The following ZNF608 variants were observed in gnomAD, a reference collection of about 807,000 sequenced individuals.
The protein encoded by ZNF608 is zinc finger protein 608, also known as renal carcinoma antigen NY-REN-36.
A neutral mutation model predicts 109.0 loss-of-function variants in ZNF608; 12 were observed. The ratio of observed to expected loss-of-function variants is 0.11; its 90% CI spans 0.07 to 0.18. The LOEUF (loss-of-function observed/expected upper bound fraction) is 0.18. ZNF608 is among the 10% of genes least tolerant of loss of function. The probability of loss-of-function intolerance (pLI) is 1.00; values close to 1 mark genes in which losing one functional copy is unlikely to be tolerated. For synonymous variants in ZNF608, 732 were observed against 717.4 expected (o/e 1.02, Z -0.33); for missense variants, 1,707 against 1,879.3 (o/e 0.91, Z 1.70).
At chr5:124,717,732 G>A (rs1319837359) in intron 2 of ZNF608, among the ~76,000 whole-genome samples, 1 of 152,126 alleles carries the variant, frequency 6.6e-6, no homozygotes, top group Non-Finnish European at 1.5e-5. Context: ...GACCACAGGA[G>A]TTTGTAGCCA....
intron 3 of ZNF608, among the ~76,000 whole-genome samples, chr5:124,654,134 A>G (rs34923711): frequency 6.6e-6 from 1 of 151,758 alleles, no homozygotes; most frequent in African/African-American, 2.4e-5. Flanking sequence ...CCTTTCATCC[A>G]GGCAAGGATA....
intron 3 of ZNF608, among the ~76,000 whole-genome samples, chr5:124,685,661 AG>A (rs1752382637): frequency 1.3e-5 from 2 of 151,494 alleles, no homozygotes; most frequent in South Asian, 4.2e-4. Context: ...AACAGACCCC[AG>A]GGGATCTGAC....
At chr5:124,679,137 C>T (rs988664826) in intron 3 of ZNF608, among the ~76,000 whole-genome samples, 4 of 152,174 alleles carry the variant, frequency 2.6e-5, no homozygotes, top group African/African-American at 4.8e-5. Flanking sequence ...CTGTGCTCCT[C>T]GAAGATAACA....
chr5:124,670,132 A>T (rs1751654063), intron 3 of ZNF608, among the ~76,000 whole-genome samples: 1 of 152,162 alleles, frequency 6.6e-6, no homozygotes, highest in African/African-American at 2.4e-5. Flanking sequence ...TTTACCACCC[A>T]CACTAATCTC....
At position 124,685,597 on chromosome 5, in the gene ZNF608, A is replaced by G. The variant is rs1254792085; in HGVS notation, c.1162+15417T>C. On this transcript the variant is annotated intron_variant, in intron 3 of 9. Transcript: ENST00000513986. Reference sequence around the variant, plus strand: ...CTGACTCTCCTGATCAGGCGTAGTCAGGGTAGAGTCAAATCTAGAGGAAAA... The same window carrying G: ...CTGACTCTCCTGATCAGGCGTAGTCGGGGTAGAGTCAAATCTAGAGGAAAA... Among the ~76,000 whole-genome samples, 4 of 150,838 alleles carry G rather than the reference A, an allele frequency of 2.7e-5. No individual in the cohort carries two copies. In the East Asian group the frequency reaches 7.8e-4, roughly 30 times the overall value.
intron 2 of ZNF608, among the ~76,000 whole-genome samples, chr5:124,736,680 G>A (rs1191387606): frequency 6.6e-6 from 1 of 152,102 alleles, no homozygotes; most frequent in Non-Finnish European, 1.5e-5. Context: ...CTAATGCGAA[G>A]GACAAAAAGG....
chr5:124,643,463 T>C (rs757409678), intron 7 of ZNF608, 48 bp downstream of exon 7: 1 of 1,580,688 alleles, frequency 6.3e-7, no homozygotes, highest in East Asian at 2.2e-5. Flanking sequence ...TTGTTCCCCT[T>C]TCTCCCCAAA....
chr5:124,655,559 C>G (rs1186142711), intron 3 of ZNF608, among the ~76,000 whole-genome samples: 1 of 152,190 alleles, frequency 6.6e-6, no homozygotes, highest in East Asian at 1.9e-4. Flanking sequence ...AGAAAGTTTA[C>G]ACATTTCTTT....
intron 2 of ZNF608, among the ~76,000 whole-genome samples, chr5:124,701,483 G>A (rs1387262311): frequency 6.6e-6 from 1 of 152,180 alleles, no homozygotes; most frequent in African/African-American, 2.4e-5. Flanking sequence ...GAGAGCGCTA[G>A]CTCCCTGAAT....
intron 2 of ZNF608, among the ~76,000 whole-genome samples, chr5:124,702,475 T>C (rs1351014313): frequency 6.6e-6 from 1 of 150,534 alleles, no homozygotes; most frequent in Non-Finnish European, 1.5e-5. Flanking sequence ...GCAGGCGTAA[T>C]AGTATATAGT....
rs1313810218 is a variant in ZNF608, at chr5:124,744,701, A to G, written c.289T>C (p.Ser97Pro). 6.2e-7 allele frequency: 1 copy of G among 1,614,162 alleles called. No homozygotes were observed. The highest frequency in any genetic ancestry group is 1.7e-5 in the Admixed American group (1 of 60,028). The change falls in exon 2 of 10, where the codon TCA becomes CCA. Residue 97 changes from serine (S) to proline (P), a missense_variant. Ser to Pro is a moderately conservative substitution (Grantham distance 74). Coordinates refer to ENST00000513986, the MANE Select transcript of ZNF608 (RefSeq NM_020747.3). This position sits in a 1 kb window ranked among gnomAD's most constrained non-coding sequence, Gnocchi z 4.5. ...TTTGATTTGCTGGTCTCTTTGTGTG[A>G]ATTCCCCTGGGGAGCAGAGGCCTGA... The part of the protein sequence containing the change: ...SVQASAPQGN[S>P]HKETSKSKVK...
intron 3 of ZNF608, among the ~76,000 whole-genome samples, chr5:124,652,305 A>G (rs949941261): frequency 7.2e-5 from 11 of 152,326 alleles, no homozygotes; most frequent in Non-Finnish European, 1.5e-4. Flanking sequence ...AGTCCTGGAA[A>G]GAAAAATCCA....
In ZNF608 at chr5:124,647,286, T is replaced by G; in HGVS notation, c.3098A>C (p.Glu1033Ala). 6.2e-7 allele frequency: 1 copy of G among 1,614,182 alleles called. No homozygotes were observed. Among genetic ancestry groups the G allele is most frequent in the Non-Finnish European group, 8.5e-7 (1 of 1,180,038 alleles). The change falls in exon 5 of 10, where the codon GAG (glutamate) becomes GCG (alanine). Residue 1033 changes from glutamate to alanine, a missense_variant. This residue lies in a region of ZNF608 where 1,073 missense variants were observed against 1,133.5 expected (regional missense o/e 0.95). Transcript: ENST00000513986. ...TTTCTTTTCAGCATCTTCCTCAGAC[T>G]CCTTCTTGATCTTCATTCCCTGCGT... ...GSTQGMKIKKESEEDAEKKDK... is the reference protein window; with the variant it reads ...GSTQGMKIKKASEEDAEKKDK...
chr5:124,643,452 C>T, intron 7 of ZNF608, 59 bp downstream of exon 7: 1 of 1,536,838 alleles, frequency 6.5e-7, no homozygotes, highest in Non-Finnish European at 9.0e-7. Context: ...TGTTCTCTAG[C>T]TTGTTCCCCT....
At chr5:124,726,931 C>T (rs1303155922) in intron 2 of ZNF608, among the ~76,000 whole-genome samples, 1 of 152,206 alleles carries the variant, frequency 6.6e-6, no homozygotes, top group African/African-American at 2.4e-5. Context: ...ATCCAACCAA[C>T]TGGGATTCCG....
At chr5:124,686,173 C>T (rs1420306376) in intron 3 of ZNF608, among the ~76,000 whole-genome samples, 1 of 152,148 alleles carries the variant, frequency 6.6e-6, no homozygotes, top group Non-Finnish European at 1.5e-5. Context: ...GATTAATGTG[C>T]AACCAATATA....
intron 9 of ZNF608, 81 bp from the exon 10 acceptor site, chr5:124,637,987 G>C (rs552706730): frequency 6.5e-6 from 10 of 1,534,480 alleles, no homozygotes; most frequent in Non-Finnish European, 8.1e-6. Flanking sequence ...TTTTGCTCTT[G>C]TTGCCCAGGC....
chr5:124,666,350 C>A (rs73296648), intron 3 of ZNF608: 1 of 152,182 alleles, frequency 6.6e-6, no homozygotes, highest in Non-Finnish European at 1.5e-5. Context: ...TTGGTGAATG[C>A]GCCACTACTG....
At position 124,714,057 on chromosome 5, in the gene ZNF608, T is replaced by G. The variant is rs562773595; in HGVS notation, c.907-12788A>C. The stretch of plus-strand genomic sequence containing the variant: ...GAACATCTTTTTATTATACCAGCCA[T>G]TGTGCTGGGTGCTAATGACAACCAA... On this transcript the variant is annotated intron_variant, in intron 2 of 9. Coordinates refer to ENST00000513986, the MANE Select transcript of ZNF608 (RefSeq NM_020747.3). Among the ~76,000 whole-genome samples, 24 of 152,296 alleles carry G rather than the reference T, an allele frequency of 1.6e-4. No homozygotes were observed. In the South Asian group the frequency reaches 5.0e-3, roughly 32 times the overall value.
Sources: allele counts gnomAD v4.1 joint callset (sites outside exome capture counted in the v4.1 genomes callset), GRCh38; gene constraint gnomAD v4.1.1; regional missense constraint gnomAD v4.1.1; non-coding constraint Gnocchi (gnomAD v3.1); transcripts MANE v1.5; gene names NCBI Gene and HGNC (gene_info 2026-07-23, HGNC 2026-07-21).